The following ITPK1 variants were observed in gnomAD, a reference collection of about 807,000 sequenced individuals.
ITPK1 encodes inositol 1,3,4-trisphosphate 5/6-kinase.
Under a neutral mutation model 45.3 loss-of-function variants are expected in ITPK1, and 21 were observed. The ratio of observed to expected loss-of-function variants is 0.46; its 90% CI spans 0.33 to 0.67. The LOEUF (loss-of-function observed/expected upper bound fraction) is 0.67, where lower values mean the gene tolerates loss of function less well. Ranked by LOEUF, ITPK1 falls within the 30% of genes least tolerant of loss-of-function variation. The probability of loss-of-function intolerance (pLI) is 0.02; values close to 1 mark genes in which losing one functional copy is unlikely to be tolerated. For synonymous variants in ITPK1, 258 were observed against 253.6 expected (o/e 1.02, Z -0.16); for missense variants, 474 against 573.5 (o/e 0.83, Z 1.77).
intron 3 of ITPK1, among the ~76,000 whole-genome samples, chr14:93,044,835 A>G (rs908029206): frequency 2.0e-5 from 3 of 152,244 alleles, no homozygotes; most frequent in African/African-American, 7.2e-5. Flanking sequence ...ACCGTGACGG[A>G]CTAGCGTGGG....
At chr14:92,963,077 A>G (rs1719160822) in intron 5 of ITPK1, among the ~76,000 whole-genome samples, 1 of 152,238 alleles carries the variant, frequency 6.6e-6, no homozygotes, top group Non-Finnish European at 1.5e-5. Flanking sequence ...GTGTATGATC[A>G]CTGTGTAAAA....
intron 4 of ITPK1, among the ~76,000 whole-genome samples, chr14:93,005,198 G>C (rs1260397604): frequency 3.3e-5 from 5 of 152,132 alleles, no homozygotes; most frequent in African/African-American, 9.7e-5. Context: ...AGGGGTATGT[G>C]TGCTGGACCT....
At chr14:92,964,081 G>A (rs1044843447) in intron 5 of ITPK1, among the ~76,000 whole-genome samples, 1 of 152,094 alleles carries the variant, frequency 6.6e-6, no homozygotes, top group African/African-American at 2.4e-5. Flanking sequence ...AATTACACAG[G>A]GCATATAAAA....
rs1424257414 is a variant in ITPK1 at position 93,076,338 on chromosome 14, AC to A, written c.120+256del. Among the ~76,000 whole-genome samples the A allele has an allele frequency of 4.0e-5, 6 of 151,098 alleles. No individual in the cohort carries two copies. The highest frequency in any genetic ancestry group is 5.9e-5 in the Non-Finnish European group (4 of 67,794). The stretch of plus-strand genomic sequence containing the variant: ...CCCTAACCTGACCACTGCCATGCAC[AC>A]CCCCCTCAGGACTCCCAAACCAACC... On this transcript the variant is annotated intron_variant, in intron 3 of 10. Coordinates refer to ENST00000267615, the MANE Select transcript of ITPK1 (RefSeq NM_014216.6). The surrounding 1 kb of genome is among the most constrained non-coding windows in gnomAD (Gnocchi z 4.3).
chr14:92,946,560 AC>A (rs1271537197), intron 9 of ITPK1, 67 bp from the exon 10 acceptor site: 3 of 1,454,974 alleles, frequency 2.1e-6, no homozygotes, highest in Non-Finnish European at 1.9e-6. Flanking sequence ...ACACAGACAG[AC>A]CCCCCACACC....
chr14:92,962,684 GC>G, intron 6 of ITPK1, 66 bp downstream of exon 6: 1 of 1,225,780 alleles, frequency 8.2e-7, no homozygotes, highest in South Asian at 1.2e-5. Context: ...TATAAACCCA[GC>G]CCCTCCCCTA....
At chr14:93,027,954 G>A (rs1193712056) in intron 3 of ITPK1, among the ~76,000 whole-genome samples, 1 of 152,110 alleles carries the variant, frequency 6.6e-6, no homozygotes, top group Non-Finnish European at 1.5e-5. Flanking sequence ...GAGAGCAGTG[G>A]GAAAAAAAGG....
At chr14:93,018,592 C>G (rs537244455) in intron 3 of ITPK1, among the ~76,000 whole-genome samples, 1 of 152,304 alleles carries the variant, frequency 6.6e-6, no homozygotes, top group East Asian at 1.9e-4. Context: ...GCTGTTCCCT[C>G]CCCATGGTGA....
At chr14:93,010,230 G>T (rs1223108321) in intron 4 of ITPK1, among the ~76,000 whole-genome samples, 3 of 152,180 alleles carry the variant, frequency 2.0e-5, no homozygotes, top group Non-Finnish European at 4.4e-5. Flanking sequence ...TCCTCTGATA[G>T]GTTTAGATGT....
At chr14:93,085,405 C>T (rs1034770518) in intron 2 of ITPK1, among the ~76,000 whole-genome samples, 11 of 152,286 alleles carry the variant, frequency 7.2e-5, no homozygotes, top group South Asian at 4.1e-4. Flanking sequence ...CCCCAAAGTC[C>T]GGGCGCCCCT....
At chr14:92,973,766 G>A (rs551679640) in intron 5 of ITPK1, among the ~76,000 whole-genome samples, 4 of 152,360 alleles carry the variant, frequency 2.6e-5, no homozygotes, top group South Asian at 4.1e-4. Flanking sequence ...TGAGCCAGGA[G>A]GGGGATGCCA....
At chr14:93,030,087 T>C (rs558442242) in intron 3 of ITPK1, among the ~76,000 whole-genome samples, 2 of 152,322 alleles carry the variant, frequency 1.3e-5, no homozygotes, top group African/African-American at 2.4e-5. Flanking sequence ...AAGCACGAAG[T>C]TAGCGCGCAA....
chr14:93,026,165 T>C (rs1346407097), intron 3 of ITPK1, among the ~76,000 whole-genome samples: 1 of 152,152 alleles, frequency 6.6e-6, no homozygotes, highest in Non-Finnish European at 1.5e-5. Flanking sequence ...TATTTATGTA[T>C]CAATTTAAGG....
In ITPK1 at chr14:93,014,001, TG is replaced by T. The variant is rs1304127951; in HGVS notation, c.246+2674del. Among the ~76,000 whole-genome samples, 1 of 152,190 alleles carries T rather than the reference TG, an allele frequency of 6.6e-6. No homozygotes were observed. On this transcript the variant is annotated intron_variant, in intron 4 of 10. Transcript: ENST00000267615. This position sits in a 1 kb window ranked among gnomAD's most constrained non-coding sequence, Gnocchi z 4.4. Reference sequence around the variant, plus strand: ...CCAACCCTGCCTGCCTCCTCTCTCCTGGGGCCTCTGGAAAGTGCAGCCCCGC... The same window carrying T: ...CCAACCCTGCCTGCCTCCTCTCTCCTGGGCCTCTGGAAAGTGCAGCCCCGC...
chr14:92,946,266 CT>C, intron 10 of ITPK1, 64 bp downstream of exon 10: 1 of 1,578,726 alleles, frequency 6.3e-7, no homozygotes, highest in Non-Finnish European at 8.7e-7. Flanking sequence ...CCCGCCTCAC[CT>C]GCCTGGTCAC....
intron 8 of ITPK1, among the ~76,000 whole-genome samples, chr14:92,956,801 G>A (rs1884758104): frequency 6.6e-6 from 1 of 152,024 alleles, no homozygotes; most frequent in Non-Finnish European, 1.5e-5. Context: ...TTTAAAAAAT[G>A]TCAGCCTCTT....
chr14:92,938,489 G>T lies in ITPK1; in HGVS notation c.*3072C>A. 6.2e-7 allele frequency: 1 copy of T among 1,612,690 alleles called. No homozygotes were observed. Among genetic ancestry groups the T allele is most frequent in the Non-Finnish European group, 8.5e-7 (1 of 1,178,732 alleles). Reference sequence around the variant, plus strand: ...CATGTGACAGCTTCCTACTTCAGTCGGTCTTCCAGCCTTCTATAAAGCACA... The same window carrying T: ...CATGTGACAGCTTCCTACTTCAGTCTGTCTTCCAGCCTTCTATAAAGCACA... On this transcript the variant is annotated 3_prime_UTR_variant, in exon 11 of 11. Transcript: ENST00000267615.
At chr14:92,960,823 G>T (rs1413589850) in intron 7 of ITPK1, among the ~76,000 whole-genome samples, 1 of 152,232 alleles carries the variant, frequency 6.6e-6, no homozygotes, top group Non-Finnish European at 1.5e-5. Flanking sequence ...TCCCTCCCTG[G>T]CCTGGTACAT....
intron 5 of ITPK1, among the ~76,000 whole-genome samples, chr14:92,972,739 C>G (rs1158788706): frequency 6.6e-6 from 1 of 152,164 alleles, no homozygotes; most frequent in Non-Finnish European, 1.5e-5. Flanking sequence ...TACAGGAACA[C>G]GCCACCATGC....
Sources: allele counts gnomAD v4.1 joint callset (sites outside exome capture counted in the v4.1 genomes callset), GRCh38; gene constraint gnomAD v4.1.1; non-coding constraint Gnocchi (gnomAD v3.1); transcripts MANE v1.5; gene names NCBI Gene and HGNC (gene_info 2026-07-23, HGNC 2026-07-21).